FAM227A: variants seen among roughly 807,000 people sequenced by gnomAD.
FAM227A encodes the protein family with sequence similarity 227 member A.
A neutral mutation model predicts 74.7 loss-of-function variants in FAM227A; 80 were observed. That is an observed-to-expected ratio of 1.07 (90% CI 0.89 to 1.29). The LOEUF (loss-of-function observed/expected upper bound fraction) is 1.29, where lower values mean the gene tolerates loss of function less well. FAM227A is among the 50% of genes most tolerant of loss of function. The pLI is 0.00. For missense variants in FAM227A, 654 were observed against 683.4 expected (o/e 0.96, Z 0.48); for synonymous variants, 237 against 241.8 (o/e 0.98, Z 0.19).
chr22:38,647,432 C>A (rs1227087605), intron 2 of FAM227A, among the ~76,000 whole-genome samples: 1 of 151,872 alleles, frequency 6.6e-6, no homozygotes, highest in Admixed American at 6.6e-5. Flanking sequence ...CCACTGCACT[C>A]CAGCCTGAGT....
intron 16 of FAM227A, 83 bp downstream of exon 16, chr22:38,591,352 T>G: frequency 6.8e-7 from 1 of 1,476,732 alleles, no homozygotes. Flanking sequence ...AAATAATTAT[T>G]ATTCTTACAT....
At position 38,579,403 on chromosome 22, in the gene FAM227A, A is replaced by C. The variant is rs1249487109; in HGVS notation, c.*6722T>G. The stretch of plus-strand genomic sequence containing the variant: ...GAATGCTAGGAGAATATTGTATAAC[A>C]GAAGTCCCAAGCCAGGAGTAATGGT... On this transcript the variant is annotated 3_prime_UTR_variant, in exon 17 of 17. Coordinates refer to ENST00000535113, the MANE Select transcript of FAM227A (RefSeq NM_001013647.2). 6.6e-6 allele frequency: 1 copy of C among 152,220 alleles called. No homozygotes were observed. Among genetic ancestry groups the C allele is most frequent in the African/African-American group, 2.4e-5 (1 of 41,452 alleles). The allele number at this position is 152,220 out of a possible 1,614,324, so 9.4% of individuals were successfully genotyped here.
intron 8 of FAM227A, among the ~76,000 whole-genome samples, chr22:38,627,297 G>T (rs2091829663): frequency 6.6e-6 from 1 of 152,084 alleles, no homozygotes; most frequent in Non-Finnish European, 1.5e-5. Context: ...GCCGGGCGCA[G>T]TGGCTCATGC....
Position 38,583,171 on chromosome 22 carries a change from C to CTT in FAM227A, c.*2952_*2953dup, listed in dbSNP as rs34386912. 0.05 allele frequency: 12,174 copies of CTT among 242,798 alleles called. 179 individuals carry two copies. The highest frequency in any genetic ancestry group is 0.06 in the Middle Eastern group (41 of 686). 15.0% of individuals were successfully genotyped at this position (242,798 alleles called of 1,614,324 possible). ...CACGTTCTGGTTTCAGAAGACTATA[C>CTT]TTTTTTTTTTTTTTTTTTGAGATGG... On this transcript the variant is annotated 3_prime_UTR_variant, in exon 17 of 17. Coordinates refer to ENST00000535113, the MANE Select transcript of FAM227A (RefSeq NM_001013647.2).
Position 38,626,421 on chromosome 22 carries a change from G to C in FAM227A, c.727-118C>G, listed in dbSNP as rs2091801778. 1.3e-5 allele frequency: 16 copies of C among 1,262,112 alleles called. No homozygotes were observed. In the East Asian group the frequency reaches 4.2e-4, roughly 33 times the overall value. 78.2% of individuals were successfully genotyped at this position (1,262,112 alleles called of 1,614,324 possible). On this transcript the variant is annotated intron_variant, in intron 8 of 16. Transcript: ENST00000535113. ...TAGTTTTTGTTGTTGTTGTTGTTTA[G>C]AGACAAGGTTCTCACTGTGTTACCC...
chr22:38,592,138 C>T (rs1372657716), intron 15 of FAM227A, among the ~76,000 whole-genome samples: 4 of 151,706 alleles, frequency 2.6e-5, no homozygotes, highest in South Asian at 2.1e-4. Context: ...TCAGTAGAGA[C>T]GGGTTTCACA....
chr22:38,654,184 T>C (rs2092358833), intron 1 of FAM227A, among the ~76,000 whole-genome samples: 2 of 151,528 alleles, frequency 1.3e-5, no homozygotes, highest in Non-Finnish European at 2.9e-5. Flanking sequence ...CCGTCTCCAC[T>C]AAAAATACAA....
rs577735813 is a variant in FAM227A at position 38,625,383 on chromosome 22, G to A, written c.850+797C>T. Among the ~76,000 whole-genome samples, 9 of 141,668 alleles carry A rather than the reference G, an allele frequency of 6.4e-5. No homozygotes were observed. In the South Asian group the frequency reaches 6.7e-4, roughly 11 times the overall value. 92.9% of individuals were successfully genotyped at this position (141,668 alleles called of 152,430 possible). A position where few individuals can be genotyped will look rare whatever the true frequency, so the allele number is the denominator to read the frequency against. On this transcript the variant is annotated intron_variant, in intron 9 of 16. Transcript: ENST00000535113. ...CAGCCTGGACGACAGAGCGAGATCCGTCTCAAAAAAAAAAAAAAAAGAAAG... is the reference window on the plus strand; with the variant it reads ...CAGCCTGGACGACAGAGCGAGATCCATCTCAAAAAAAAAAAAAAAAGAAAG...
chr22:38,648,540 G>A (rs1018976988), intron 2 of FAM227A, among the ~76,000 whole-genome samples: 3 of 151,392 alleles, frequency 2.0e-5, no homozygotes, highest in Non-Finnish European at 4.4e-5. Context: ...CCGGGAGGTG[G>A]AGGTTGCAGT....
intron 2 of FAM227A, 147 bp downstream of exon 2, chr22:38,649,878 AAG>A (rs2092298545): frequency 8.8e-6 from 5 of 566,508 alleles, no homozygotes; most frequent in East Asian, 4.1e-5. Flanking sequence ...AAAAAAAAAA[AAG>A]AAAGAAAAGA....
chr22:38,647,155 AAAT>A, intron 2 of FAM227A, among the ~76,000 whole-genome samples: 2 of 60,616 alleles, frequency 3.3e-5, no homozygotes, highest in Non-Finnish European at 8.3e-5. Context: ...TCTCAAAAAT[AAAT>A]AAAATAAAAC....
intron 1 of FAM227A, chr22:38,653,841 A>G (rs889599383): frequency 4.6e-5 from 7 of 152,278 alleles, no homozygotes; most frequent in Non-Finnish European, 8.8e-5. Flanking sequence ...TACTCGGGAC[A>G]GGAAAGTGAA....
chr22:38,592,840 A>G (rs1009871818), intron 15 of FAM227A, among the ~76,000 whole-genome samples: 2 of 152,248 alleles, frequency 1.3e-5, no homozygotes, highest in Non-Finnish European at 2.9e-5. Context: ...AAGTCTTTAC[A>G]GACCTTAATT....
At chr22:38,622,174 T>A (rs5995599) in intron 10 of FAM227A, among the ~76,000 whole-genome samples, 96,696 of 152,138 alleles carry the variant, frequency 0.64, 32,428 homozygotes, top group African/African-American at 0.87. Flanking sequence ...AAAAGTGGGT[T>A]TAAATGAGCC....
At chr22:38,626,918 G>A (rs1466793621) in intron 8 of FAM227A, among the ~76,000 whole-genome samples, 17 of 76,510 alleles carry the variant, frequency 2.2e-4, no homozygotes, top group African/African-American at 3.8e-4. Flanking sequence ...ATATATACAC[G>A]TATATATATT....
At chr22:38,650,370 G>A (rs1006263638) in intron 1 of FAM227A, 108 bp from the exon 2 acceptor site, 4 of 566,928 alleles carry the variant, frequency 7.1e-6, no homozygotes, top group Non-Finnish European at 1.3e-5. Flanking sequence ...TCCCATGCCT[G>A]CATGGGGAAT....
intron 6 of FAM227A, among the ~76,000 whole-genome samples, chr22:38,636,023 AAGAAG>A (rs1424599038): frequency 3.3e-5 from 5 of 151,284 alleles, no homozygotes; most frequent in Non-Finnish European, 7.4e-5. Context: ...GAAGGAAAGA[AAGAAG>A]AGAGAAAGAG....
chr22:38,615,262 A>C (rs779833604), intron 11 of FAM227A, among the ~76,000 whole-genome samples: 4 of 152,194 alleles, frequency 2.6e-5, no homozygotes, highest in Non-Finnish European at 5.9e-5. Flanking sequence ...ACCTCAAGTG[A>C]TTCGCCTGCC....
At chr22:38,626,134 A>AT (rs1232313697) in intron 9 of FAM227A, 46 bp downstream of exon 9, 1 of 1,545,734 alleles carries the variant, frequency 6.5e-7, no homozygotes, top group South Asian at 1.2e-5. Flanking sequence ...AGCGGAAAAC[A>AT]TTTTTCTAGA....
Sources: gnomAD v4.1 joint callset for allele counts (sites outside exome capture counted in the v4.1 genomes callset) on GRCh38, gnomAD v4.1.1 for gene constraint, MANE v1.5 for transcripts, NCBI Gene and HGNC (gene_info 2026-07-23, HGNC 2026-07-21) for gene names.